Variants in NOXA1 observed in about 807,000 individuals in gnomAD.
The protein encoded by NOXA1 is NCF2-like protein.
A neutral mutation model predicts 64.8 loss-of-function variants in NOXA1; 56 were observed. The observed-to-expected ratio is 0.86, with a 90% CI of 0.70 to 1.08. The LOEUF (loss-of-function observed/expected upper bound fraction) is 1.08, where lower values mean the gene tolerates loss of function less well. NOXA1 is among the 50% of genes least tolerant of loss of function. The pLI is 0.00. For synonymous variants in NOXA1, 295 were observed against 294.8 expected, an observed-to-expected ratio of 1.00 and a Z score of -0.01; for missense variants, 668 against 658.5, an observed-to-expected ratio of 1.01 and a Z score of -0.16.
chr9:137,433,833 C>T lies in NOXA1; in HGVS notation c.1148C>T (p.Ala383Val). 1 of 1,451,130 alleles carries T rather than the reference C, an allele frequency of 6.9e-7. No homozygotes were observed. Among genetic ancestry groups the T allele is most frequent in the Non-Finnish European group, 9.1e-7 (1 of 1,099,280 alleles). The allele number at this position is 1,451,130 out of a possible 1,614,324, so 89.9% of individuals were successfully genotyped here. Reference sequence around the variant, plus strand: ...CAGAGGGCCTGGCAGGACGCAGCTGCCTGCCCCAGGGGGCTGCAGCTGCAG... The same window carrying T: ...CAGAGGGCCTGGCAGGACGCAGCTGTCTGCCCCAGGGGGCTGCAGCTGCAG... ...SLQRAWQDAA[A>V]CPRGLQLQCR... is the part of the protein sequence containing the mutation. Residue 383 changes from alanine to valine, a missense_variant, in exon 12 of 14, where the codon GCC (alanine) becomes GTC (valine). Ala to Val is a moderately conservative substitution (Grantham distance 64). Coordinates refer to ENST00000683555, the MANE Select transcript of NOXA1 (RefSeq NM_001256067.2).
chr9:137,428,668 G>A (rs1338637364), intron 3 of NOXA1, among the ~76,000 whole-genome samples: 1 of 149,004 alleles, frequency 6.7e-6, no homozygotes, highest in Non-Finnish European at 1.5e-5. Context: ...GGGGCCGGGT[G>A]GGGGGATTGG....
intron 5 of NOXA1, among the ~76,000 whole-genome samples, chr9:137,430,056 C>T (rs1373560677): frequency 9.9e-6 from 1 of 100,626 alleles, no homozygotes; most frequent in Non-Finnish European, 1.9e-5. Flanking sequence ...AGCGAGGTCC[C>T]GGGGGGCGGG....
At chr9:137,424,241 C>A (rs1163267395) in intron 1 of NOXA1, among the ~76,000 whole-genome samples, 1 of 152,236 alleles carries the variant, frequency 6.6e-6, no homozygotes, top group Admixed American at 6.5e-5. Flanking sequence ...CAGAAGCAGG[C>A]AGGTGCCCAC....
At chr9:137,424,825 G>C (rs538984742) in intron 1 of NOXA1, among the ~76,000 whole-genome samples, 1 of 152,294 alleles carries the variant, frequency 6.6e-6, no homozygotes, top group East Asian at 1.9e-4. Flanking sequence ...CTATGTCCGG[G>C]GCTAACCCAG....
chr9:137,429,087 G>C (rs1838972644), intron 4 of NOXA1, 71 bp downstream of exon 4: 1 of 1,455,836 alleles, frequency 6.9e-7, no homozygotes, highest in African/African-American at 1.4e-5. Context: ...AATTTCATGA[G>C]ATGAAGAAGC....
intron 9 of NOXA1, 56 bp downstream of exon 9, chr9:137,433,130 TG>T (rs1839188734): frequency 1.2e-6 from 2 of 1,610,006 alleles, no homozygotes; most frequent in African/African-American, 2.7e-5. Flanking sequence ...TGCTGGTGCA[TG>T]GGTGCCGGCT....
intron 8 of NOXA1, among the ~76,000 whole-genome samples, chr9:137,432,721 G>T (rs1010015135): frequency 6.6e-6 from 1 of 152,222 alleles, no homozygotes; most frequent in Non-Finnish European, 1.5e-5. Context: ...AGAGGCCGGG[G>T]CCCAGGGACT....
At chr9:137,424,245 T>G (rs1588458902) in intron 1 of NOXA1, among the ~76,000 whole-genome samples, 1 of 152,112 alleles carries the variant, frequency 6.6e-6, no homozygotes, top group Non-Finnish European at 1.5e-5. Flanking sequence ...AGCAGGCAGG[T>G]GCCCACGGTT....
chr9:137,430,960 G>A lies in NOXA1; in HGVS notation c.673-115G>A, dbSNP rs1196848196. 4.5e-6 allele frequency: 7 copies of A among 1,567,794 alleles called. No homozygotes were observed. In the South Asian group the frequency reaches 4.5e-5, roughly 10 times the overall value. On this transcript the variant is annotated intron_variant, in intron 6 of 13. Coordinates refer to ENST00000683555, the MANE Select transcript of NOXA1 (RefSeq NM_001256067.2). The stretch of plus-strand genomic sequence containing the variant: ...CGAAGTTCCTCTGATGGGAGGTGTG[G>A]GGTGGCCATCCCATCCCTGTGTAAG...
In NOXA1 at chr9:137,434,253, G is replaced by C. The variant is rs1839266466; in HGVS notation, c.1324G>C (p.Asp442His). The change falls in exon 14 of 14, where the codon GAC (aspartate) becomes CAC (histidine). Residue 442 changes from aspartate to histidine, a missense_variant. By Grantham distance (81) the Asp-to-His change is moderately conservative. Coordinates refer to ENST00000683555, the MANE Select transcript of NOXA1 (RefSeq NM_001256067.2). ...CCAGGCATGGCTGGAGGGCCACTGT[G>C]ACGGCCGCATCGGCATCTTCCCCAA... ...VDQAWLEGHC[D>H]GRIGIFPKCF... is the part of the protein sequence containing the mutation. 1.2e-6 allele frequency: 2 copies of C among 1,610,814 alleles called. No individual in the cohort carries two copies. The highest frequency in any genetic ancestry group is 1.7e-6 in the Non-Finnish European group (2 of 1,179,596).
intron 5 of NOXA1, among the ~76,000 whole-genome samples, chr9:137,430,271 A>G (rs1345928946): frequency 1.3e-5 from 2 of 152,108 alleles, no homozygotes; most frequent in African/African-American, 4.8e-5. Flanking sequence ...AAGTCACAGG[A>G]ATGGGGAGCT....
At position 137,433,267 on chromosome 9, in the gene NOXA1, A is replaced by G. The variant is rs575732720; in HGVS notation, c.909+4A>G. On this transcript the variant is annotated splice_donor_region_variant and intron_variant, in intron 10 of 13. Coordinates refer to ENST00000683555, the MANE Select transcript of NOXA1 (RefSeq NM_001256067.2). ...TGAGGACCCCGCGGGTGCTGGGGTA[A>G]GAGGCTCTAGACCCTTCACCTGTCA... 4.4e-6 allele frequency: 7 copies of G among 1,580,784 alleles called. No individual in the cohort carries two copies. The highest frequency in any genetic ancestry group is 2.3e-5 in the East Asian group (1 of 43,908).
At chr9:137,430,290 C>T (rs904473829) in intron 5 of NOXA1, among the ~76,000 whole-genome samples, 2 of 151,252 alleles carry the variant, frequency 1.3e-5, no homozygotes, top group Non-Finnish European at 2.9e-5. Flanking sequence ...CTGCTCACCC[C>T]CAAAGGCAGC....
At position 137,431,628 on chromosome 9, in the gene NOXA1, C is replaced by T. The variant is rs768344982; in HGVS notation, c.804+287C>T. 2.6e-5 allele frequency among the ~76,000 whole-genome samples: 4 copies of T among 152,182 alleles called. No homozygotes were observed. Among genetic ancestry groups the T allele is most frequent in the Admixed American group, 6.5e-5 (1 of 15,288 alleles). ...AGCCCCCAGGACCACCTCAGTTTGG[C>T]CATTGCCCCTCCCCTCCCACTGGGG... On this transcript the variant is annotated intron_variant, in intron 8 of 13. Coordinates refer to ENST00000683555, the MANE Select transcript of NOXA1 (RefSeq NM_001256067.2). This position sits in a 1 kb window ranked among gnomAD's most constrained non-coding sequence, Gnocchi z 5.6.
In NOXA1 at chr9:137,433,241, G is replaced by A. The variant is rs778082768; in HGVS notation, c.887G>A (p.Cys296Tyr). The A allele has an allele frequency of 7.5e-6, 12 of 1,599,638 alleles. No homozygotes were observed. In the African/African-American group the frequency reaches 1.3e-4, roughly 18 times the overall value. ...ATGGGGGGGCCTGGCCCCGGCCCCT[G>A]TGAGGACCCCGCGGGTGCTGGGGTA... Reference protein sequence around the residue: ...PAMGGPGPGPCEDPAGAGGAG... With the variant: ...PAMGGPGPGPYEDPAGAGGAG... Residue 296 changes from cysteine to tyrosine, a missense_variant, in exon 10 of 14, where the codon TGT becomes TAT. By Grantham distance (194) the Cys-to-Tyr change is radical. Transcript: ENST00000683555.
intron 10 of NOXA1, 49 bp downstream of exon 10, chr9:137,433,312 G>A: frequency 1.3e-6 from 2 of 1,510,832 alleles, no homozygotes; most frequent in Non-Finnish European, 1.8e-6. Flanking sequence ...GGGAGGCTGA[G>A]GCCAAGCCCC....
Position 137,430,801 on chromosome 9 carries a change from C to G in NOXA1, c.630C>G (p.Ile210Met), listed in dbSNP as rs1839076892. Reference sequence around the variant, plus strand: ...CCCGCCAGGTGGTGGCCTCTGCCATCCCCGACGACCAGGGCTGGGGCGTCC... The same window carrying G: ...CCCGCCAGGTGGTGGCCTCTGCCATGCCCGACGACCAGGGCTGGGGCGTCC... Reference protein sequence around the residue: ...LGKAKVVASAIPDDQGWGVRP... With the variant: ...LGKAKVVASAMPDDQGWGVRP... Residue 210 changes from isoleucine to methionine, a missense_variant, in exon 6 of 14, where the codon ATC becomes ATG. Transcript: ENST00000683555. The G allele has an allele frequency of 6.3e-7, 1 of 1,594,912 alleles. No individual in the cohort carries two copies. The highest frequency in any genetic ancestry group is 1.3e-5 in the African/African-American group (1 of 74,694).
At position 137,427,700 on chromosome 9, in the gene NOXA1, G is replaced by C. The variant is rs533328487; in HGVS notation, c.261-333G>C. ...TTTGGAGGGGGAGCCCCCATGGGGT[G>C]GGGGGCCTGAGAAGCAGGAGGGAAA... On this transcript the variant is annotated intron_variant, in intron 2 of 13. Transcript: ENST00000683555. 2.1e-4 allele frequency among the ~76,000 whole-genome samples: 32 copies of C among 152,344 alleles called. No homozygotes were observed. In the South Asian group the frequency reaches 6.2e-3, roughly 30 times the overall value.
Position 137,428,890 on chromosome 9 carries a change from C to T in NOXA1, c.378C>T (p.His126=). 6.3e-7 allele frequency: 1 copy of T among 1,583,406 alleles called. No homozygotes were observed. The change falls in exon 4 of 14, where the codon CAC becomes CAT. Residue 126 remains histidine, a synonymous_variant. Transcript: ENST00000683555. ...RFKLQAWEVL[H]NVASAQCQLG... Reference sequence around the variant, plus strand: ...CTTGGCCCCACTCCCAGGTGCTACACAATGTGGCGTCGGCACAGTGCCAGC... The same window carrying T: ...CTTGGCCCCACTCCCAGGTGCTACATAATGTGGCGTCGGCACAGTGCCAGC...
Sources: gnomAD v4.1 joint callset for allele counts (sites outside exome capture counted in the v4.1 genomes callset) on GRCh38, gnomAD v4.1.1 for gene constraint, Gnocchi (gnomAD v3.1) non-coding constraint, MANE v1.5 for transcripts, NCBI Gene and HGNC (gene_info 2026-07-23, HGNC 2026-07-21) for gene names.